CLVS1: variants seen among roughly 807,000 people sequenced by gnomAD.
The protein encoded by CLVS1 is clavesin-1.
A neutral mutation model predicts 33.1 loss-of-function variants in CLVS1; 10 were observed. The observed-to-expected ratio is 0.30, with a 90% CI of 0.19 to 0.51. The LOEUF (loss-of-function observed/expected upper bound fraction) is 0.51. Ranked by LOEUF, CLVS1 falls within the 20% of genes least tolerant of loss-of-function variation. CLVS1 has a pLI of 0.97. For missense variants in CLVS1, 343 were observed against 433.4 expected, an observed-to-expected ratio of 0.79 and a Z score of 1.85; for synonymous variants, 163 against 166.1, an observed-to-expected ratio of 0.98 and a Z score of 0.14.
intron 2 of CLVS1, among the ~76,000 whole-genome samples, chr8:61,254,529 A>G (rs1431343853): frequency 1.3e-5 from 2 of 152,020 alleles, no homozygotes; most frequent in Non-Finnish European, 2.9e-5. Context: ...TGGAGTCTAC[A>G]GAGGCAGGCA....
chr8:61,271,899 CTG>C (rs1809447612), intron 2 of CLVS1, among the ~76,000 whole-genome samples: 2 of 151,704 alleles, frequency 1.3e-5, no homozygotes, highest in South Asian at 4.2e-4. Context: ...TATTTTGAGC[CTG>C]TGTGTGTCTC....
intron 2 of CLVS1, among the ~76,000 whole-genome samples, chr8:61,230,157 G>A (rs1585707105): frequency 6.6e-6 from 1 of 152,338 alleles, no homozygotes; most frequent in Non-Finnish European, 1.5e-5. Context: ...GTTGAGGGGA[G>A]TGGTCACAGA....
intron 5 of CLVS1, among the ~76,000 whole-genome samples, chr8:61,477,465 C>A (rs1817996361): frequency 1.3e-5 from 2 of 152,154 alleles, no homozygotes; most frequent in Admixed American, 1.3e-4. Context: ...TAATTATTGC[C>A]TCAATTCAGA....
At chr8:61,329,313 C>T (rs956156499) in intron 2 of CLVS1, among the ~76,000 whole-genome samples, 2 of 152,084 alleles carry the variant, frequency 1.3e-5, no homozygotes, top group East Asian at 3.9e-4. Context: ...ATAGCATGCA[C>T]ATACTGCTAT....
chr8:61,057,016 C>G (rs1489710276), upstream of CLVS1: 3 of 152,206 alleles, frequency 2.0e-5, no homozygotes, highest in Non-Finnish European at 4.4e-5. Flanking sequence ...CCAACTGCAG[C>G]AACGGTTCTT....
chr8:61,075,651 A>G (rs1371671494), intron 1 of CLVS1, among the ~76,000 whole-genome samples: 1 of 152,236 alleles, frequency 6.6e-6, no homozygotes, highest in South Asian at 2.1e-4. Context: ...CTGGTTGGGC[A>G]CTGATTTCCC....
At chr8:61,492,485 A>G (rs1804126330) in intron 5 of CLVS1, among the ~76,000 whole-genome samples, 1 of 152,136 alleles carries the variant, frequency 6.6e-6, no homozygotes. Flanking sequence ...CATGAAAGCC[A>G]CGCACTTCCA....
intron 2 of CLVS1, among the ~76,000 whole-genome samples, chr8:61,196,566 G>T (rs1159001858): frequency 2.6e-5 from 4 of 152,176 alleles, no homozygotes; most frequent in African/African-American, 4.8e-5. Flanking sequence ...TGTCTTGAAG[G>T]ATATTGTCAG....
At chr8:61,140,602 G>T (rs1806290135) in intron 2 of CLVS1, among the ~76,000 whole-genome samples, 2 of 151,804 alleles carry the variant, frequency 1.3e-5, no homozygotes, top group Admixed American at 6.6e-5. Flanking sequence ...TCGCTGTGTC[G>T]CCCAGGCTGG....
In CLVS1 at chr8:61,198,733, C is replaced by G. The variant is rs540664157; in HGVS notation, c.-152+66873C>G. 2.0e-3 allele frequency among the ~76,000 whole-genome samples: 312 copies of G among 152,286 alleles called. 2 individuals are homozygous for G. The highest frequency in any genetic ancestry group is 7.3e-3 in the African/African-American group (302 of 41,550). On this transcript the variant is annotated intron_variant, in intron 2 of 2. Coordinates refer to the CLVS1 transcript ENST00000522621. Reference sequence around the variant, plus strand: ...CACCCGCCTTCCCTCCTCCCTTCTTCTAAGTCTCCAAAGTCCATTATACCA... The same window carrying G: ...CACCCGCCTTCCCTCCTCCCTTCTTGTAAGTCTCCAAAGTCCATTATACCA...
chr8:61,280,864 G>GT (rs1809656632), intron 2 of CLVS1, among the ~76,000 whole-genome samples: 1 of 152,140 alleles, frequency 6.6e-6, no homozygotes, highest in Non-Finnish European at 1.5e-5. Flanking sequence ...CTGAGCTCAA[G>GT]CAATCCACCC....
intron 3 of CLVS1, among the ~76,000 whole-genome samples, chr8:61,403,430 G>A (rs1239711773): frequency 1.3e-5 from 2 of 152,160 alleles, no homozygotes. Flanking sequence ...ATAGACATAG[G>A]TACAAGAGGA....
chr8:61,066,171 G>C (rs147351284), intron 1 of CLVS1, among the ~76,000 whole-genome samples: 1 of 152,116 alleles, frequency 6.6e-6, no homozygotes, highest in Non-Finnish European at 1.5e-5. Flanking sequence ...TTTACCAAGA[G>C]AATATGTTCA....
chr8:61,231,517 A>G (rs1409905466), intron 2 of CLVS1, among the ~76,000 whole-genome samples: 2 of 152,208 alleles, frequency 1.3e-5, no homozygotes, highest in Admixed American at 6.5e-5. Flanking sequence ...ACTGCTCTAA[A>G]GCAAATCCAC....
intron 2 of CLVS1, among the ~76,000 whole-genome samples, chr8:61,186,777 T>G (rs1807352385): frequency 6.6e-6 from 1 of 152,220 alleles, no homozygotes; most frequent in African/African-American, 2.4e-5. Context: ...ATTGGACTTT[T>G]AAAAATGTAA....
At chr8:61,158,203 C>T (rs995380682) in intron 2 of CLVS1, among the ~76,000 whole-genome samples, 1 of 152,084 alleles carries the variant, frequency 6.6e-6, no homozygotes, top group African/African-American at 2.4e-5. Flanking sequence ...GTGAAAGAAG[C>T]CAGATCCCCC....
At chr8:61,081,363 G>A (rs1039209675) in intron 1 of CLVS1, among the ~76,000 whole-genome samples, 2 of 152,216 alleles carry the variant, frequency 1.3e-5, no homozygotes, top group African/African-American at 4.8e-5. Context: ...GTTCTTGGGA[G>A]ATGGCAACAT....
chr8:61,397,170 CA>C (rs1242306181), intron 3 of CLVS1, among the ~76,000 whole-genome samples: 30 of 152,046 alleles, frequency 2.0e-4, no homozygotes, highest in Admixed American at 6.6e-5. Flanking sequence ...GTGAGAGCTC[CA>C]ATTTCTCTAC....
chr8:61,090,314 A>T (rs1331206673), intron 1 of CLVS1, among the ~76,000 whole-genome samples: 1 of 152,162 alleles, frequency 6.6e-6, no homozygotes, highest in Non-Finnish European at 1.5e-5. Context: ...AGTCACGTGT[A>T]CTTCCCTTTA....
Sources: gnomAD v4.1 joint callset for allele counts (sites outside exome capture counted in the v4.1 genomes callset) on GRCh38, gnomAD v4.1.1 for gene constraint, MANE v1.5 for transcripts, NCBI Gene and HGNC (gene_info 2026-07-23, HGNC 2026-07-21) for gene names.